SENP7: variants seen among roughly 807,000 people sequenced by gnomAD.
SENP7 encodes sentrin-specific protease 7.
In SENP7, 64 loss-of-function variants were observed where a neutral mutation model predicts 141.2. The ratio of observed to expected loss-of-function variants is 0.45; its 90% CI spans 0.37 to 0.56. The LOEUF is 0.56. Among genes scored for constraint, SENP7 ranks in the 20% least tolerant of loss-of-function variants. The pLI is 0.00. For missense variants in SENP7, 1,025 were observed against 1,212.2 expected (o/e 0.85, Z 2.29); for synonymous variants, 382 against 426.4 (o/e 0.90, Z 1.28).
rs1208425617 is a variant in SENP7 at position 101,452,307 on chromosome 3, T to C, written c.284+6648A>G. 2.0e-5 allele frequency among the ~76,000 whole-genome samples: 3 copies of C among 152,206 alleles called. No individual in the cohort carries two copies. In the East Asian group the frequency reaches 5.8e-4, roughly 29 times the overall value. ...ATACTGCCCAAGGTAATTTATAGAT[T>C]CAATGGCATCCCCATCAAGCTACCA... is the stretch of plus-strand genomic sequence containing the variant. On this transcript the variant is annotated intron_variant, in intron 4 of 23. Coordinates refer to ENST00000394095, the MANE Select transcript of SENP7 (RefSeq NM_020654.5).
intron 1 of SENP7, among the ~76,000 whole-genome samples, chr3:101,506,271 T>C (rs752091452): frequency 3.9e-5 from 6 of 152,156 alleles, no homozygotes; most frequent in Non-Finnish European, 8.8e-5. Context: ...CTGCCCACCT[T>C]GGCCTCCCAA....
intron 6 of SENP7, among the ~76,000 whole-genome samples, chr3:101,389,735 A>T (rs912242396): frequency 2.0e-5 from 3 of 152,258 alleles, no homozygotes; most frequent in African/African-American, 7.2e-5. Flanking sequence ...TTGAACAGAT[A>T]TACAAATGAA....
At chr3:101,448,502 A>G (rs13320918) in intron 4 of SENP7, among the ~76,000 whole-genome samples, 103,605 of 152,104 alleles carry the variant, frequency 0.68, 35,798 homozygotes, top group African/African-American at 0.78. Context: ...TATCAGCAGC[A>G]GAGGCTGCAG....
chr3:101,385,173 G>A (rs557095373), intron 6 of SENP7, among the ~76,000 whole-genome samples: 9 of 151,856 alleles, frequency 5.9e-5, no homozygotes, highest in African/African-American at 2.2e-4. Flanking sequence ...TATATATACA[G>A]TATATATATA....
intron 3 of SENP7, among the ~76,000 whole-genome samples, chr3:101,486,892 T>A (rs757240315): frequency 2.0e-5 from 3 of 152,082 alleles, no homozygotes; most frequent in Non-Finnish European, 4.4e-5. Context: ...ACATAAGGAA[T>A]CACATAAACT....
intron 3 of SENP7, among the ~76,000 whole-genome samples, chr3:101,480,207 T>C (rs2064409794): frequency 6.6e-6 from 1 of 152,086 alleles, no homozygotes. Flanking sequence ...AGAATCCAAA[T>C]TGCCAAAACA....
chr3:101,346,980 A>AAGGAGGGAGGAAGGAGGAAGAAAG (rs2059477185), intron 13 of SENP7, among the ~76,000 whole-genome samples: 1 of 151,372 alleles, frequency 6.6e-6, no homozygotes, highest in Non-Finnish European at 1.5e-5. Flanking sequence ...GAGGAGGAGG[A>AAGGAGGGAGGAAGGAGGAAGAAAG]AGGAGGGAGG....
At chr3:101,363,224 A>T (rs2107360958) in intron 10 of SENP7, 1 of 528,214 alleles carries the variant, frequency 1.9e-6, no homozygotes, top group South Asian at 8.3e-5. Context: ...GAATCAATCA[A>T]TCAAATCAAA....
At chr3:101,355,848 A>C (rs958293621) in intron 11 of SENP7, among the ~76,000 whole-genome samples, 1 of 152,166 alleles carries the variant, frequency 6.6e-6, no homozygotes, top group African/African-American at 2.4e-5. Flanking sequence ...ATGAACATGG[A>C]ATGTTTTTCC....
chr3:101,418,371 C>T (rs1286058679), intron 4 of SENP7, among the ~76,000 whole-genome samples: 1 of 151,304 alleles, frequency 6.6e-6, no homozygotes, highest in Non-Finnish European at 1.5e-5. Context: ...AACACTTTTG[C>T]CCATCATGTT....
intron 11 of SENP7, chr3:101,357,610 T>A: frequency 1.0e-6 from 1 of 970,898 alleles, no homozygotes; most frequent in South Asian, 1.4e-5. Flanking sequence ...AAAGTGTGGA[T>A]GAGTGTAAGG....
chr3:101,394,485 A>G (rs564400048), intron 6 of SENP7, among the ~76,000 whole-genome samples: 6 of 151,878 alleles, frequency 4.0e-5, no homozygotes, highest in African/African-American at 1.4e-4. Context: ...TGGATTGTAC[A>G]GTGGTTCTAT....
intron 4 of SENP7, among the ~76,000 whole-genome samples, chr3:101,424,461 T>C (rs2061890588): frequency 1.3e-5 from 2 of 151,976 alleles, no homozygotes; most frequent in Admixed American, 1.3e-4. Flanking sequence ...TGACCACCAT[T>C]GCAGTGCAAA....
chr3:101,355,936 G>T (rs954529406), intron 11 of SENP7, among the ~76,000 whole-genome samples: 2 of 152,052 alleles, frequency 1.3e-5, no homozygotes, highest in Non-Finnish European at 2.9e-5. Flanking sequence ...TCCCTGGTTA[G>T]CTGTATTCAT....
rs3063096 is a variant in SENP7 at position 101,328,318 on chromosome 3, CAGAAT to C, written c.2864+155_2864+159del. ...AGAAATATTAATACTTGAATATTAA[CAGAAT>C]AGAAGATATTTATTATTGATTAAAT... On this transcript the variant is annotated intron_variant, in intron 22 of 23. Coordinates refer to ENST00000394095, the MANE Select transcript of SENP7 (RefSeq NM_020654.5). 6.6e-5 allele frequency among the ~76,000 whole-genome samples: 10 copies of C among 151,822 alleles called. No individual in the cohort carries two copies. In the East Asian group the frequency reaches 7.7e-4, roughly 12 times the overall value.
chr3:101,499,507 T>C (rs1222568831), intron 2 of SENP7, among the ~76,000 whole-genome samples: 1 of 150,506 alleles, frequency 6.6e-6, no homozygotes, highest in African/African-American at 2.4e-5. Context: ...TAGCTGGGAC[T>C]ACAGGCACCT....
chr3:101,358,101 A>G, intron 11 of SENP7: 2 of 555,782 alleles, frequency 3.6e-6, no homozygotes, highest in Non-Finnish European at 6.0e-6. Flanking sequence ...AATGTGAAGA[A>G]TGTGGCAAAA....
chr3:101,477,428 T>G (rs1391908849), intron 3 of SENP7, among the ~76,000 whole-genome samples: 3 of 151,976 alleles, frequency 2.0e-5, no homozygotes, highest in Non-Finnish European at 4.4e-5. Context: ...AACCTGTAAC[T>G]GCAAAAGCAC....
intron 4 of SENP7, among the ~76,000 whole-genome samples, chr3:101,452,694 C>T (rs2063188711): frequency 1.3e-5 from 2 of 152,164 alleles, no homozygotes; most frequent in African/African-American, 4.8e-5. Context: ...CCCTTCCTTA[C>T]ACCTTACACA....
Sources: gnomAD v4.1 joint callset for allele counts (sites outside exome capture counted in the v4.1 genomes callset) on GRCh38, gnomAD v4.1.1 for gene constraint, MANE v1.5 for transcripts, NCBI Gene and HGNC (gene_info 2026-07-23, HGNC 2026-07-21) for gene names.